MRAS: variants seen among roughly 807,000 people sequenced by gnomAD.
MRAS encodes muscle RAS oncogene homolog, also known as ras-related protein M-Ras.
A neutral mutation model predicts 20.9 loss-of-function variants in MRAS; 4 were observed. That is an observed-to-expected ratio of 0.19 (90% CI 0.09 to 0.44). The LOEUF (loss-of-function observed/expected upper bound fraction) is 0.44, where lower values mean the gene tolerates loss of function less well. Among genes scored for constraint, MRAS ranks in the 20% least tolerant of loss-of-function variants. The pLI is 0.99. For missense variants in MRAS, 154 were observed against 277.5 expected, an observed-to-expected ratio of 0.56 and a Z score of 3.16; for synonymous variants, 98 against 102.9, an observed-to-expected ratio of 0.95 and a Z score of 0.29.
chr3:138,351,848 G>C (rs1425792536), intron 1 of MRAS, among the ~76,000 whole-genome samples: 2 of 152,194 alleles, frequency 1.3e-5, no homozygotes, highest in African/African-American at 4.8e-5. Context: ...GAGAAGCCCA[G>C]GGAACGTTGA....
At chr3:138,386,198 A>G (rs2055009622) in intron 2 of MRAS, among the ~76,000 whole-genome samples, 2 of 151,916 alleles carry the variant, frequency 1.3e-5, no homozygotes, top group East Asian at 1.9e-4. Flanking sequence ...ATCACTGCCA[A>G]CTCATTCCTG....
chr3:138,387,480 A>G (rs2055041532), intron 2 of MRAS, among the ~76,000 whole-genome samples: 1 of 152,198 alleles, frequency 6.6e-6, no homozygotes, highest in Admixed American at 6.5e-5. Context: ...TCAGACGGGC[A>G]TGGGTTCAAA....
intron 2 of MRAS, among the ~76,000 whole-genome samples, chr3:138,380,701 G>A (rs1334074882): frequency 6.6e-6 from 1 of 152,066 alleles, no homozygotes; most frequent in East Asian, 1.9e-4. Flanking sequence ...TTATGTGGCT[G>A]GCTTATTTTA....
intron 2 of MRAS, among the ~76,000 whole-genome samples, chr3:138,390,739 A>G (rs890047088): frequency 6.6e-6 from 1 of 152,158 alleles, no homozygotes; most frequent in Non-Finnish European, 1.5e-5. Context: ...GCTCAGCCAC[A>G]CACCCCTCCT....
At chr3:138,365,833 C>T (rs974438989) in intron 1 of MRAS, among the ~76,000 whole-genome samples, 4 of 152,138 alleles carry the variant, frequency 2.6e-5, no homozygotes, top group East Asian at 1.9e-4. Flanking sequence ...TGTTGTCTGC[C>T]GTGGCTCTGG....
At chr3:138,370,181 T>C (rs2054645813) in intron 1 of MRAS, among the ~76,000 whole-genome samples, 1 of 152,004 alleles carries the variant, frequency 6.6e-6, no homozygotes, top group Non-Finnish European at 1.5e-5. Context: ...TAGCCAGGCA[T>C]GGTGGTGGGC....
intron 1 of MRAS, among the ~76,000 whole-genome samples, chr3:138,363,832 C>T (rs1045036429): frequency 4.2e-4 from 52 of 123,900 alleles, no homozygotes; most frequent in Admixed American, 1.3e-3. Context: ...CCCCCCCCCC[C>T]CCAAACCACA....
chr3:138,358,133 G>A (rs4678411), intron 1 of MRAS, among the ~76,000 whole-genome samples: 89,254 of 151,872 alleles, frequency 0.59, 27,354 homozygotes, highest in East Asian at 0.73. Context: ...TCAGGAGTTC[G>A]AGACCAGCCT....
chr3:138,402,096 C>A, intron 5 of MRAS, 74 bp from the exon 6 acceptor site: 1 of 1,412,616 alleles, frequency 7.1e-7, no homozygotes, highest in African/African-American at 1.4e-5. Flanking sequence ...AGATCTGGGG[C>A]TAGGGAGGAG....
At chr3:138,355,743 C>T (rs370947572) in intron 1 of MRAS, among the ~76,000 whole-genome samples, 113 of 152,266 alleles carry the variant, frequency 7.4e-4, no homozygotes, top group African/African-American at 2.6e-3. Context: ...CCAACCTGGC[C>T]AACATGGTGA....
chr3:138,387,127 T>C (rs2055032952), intron 2 of MRAS, among the ~76,000 whole-genome samples: 1 of 151,968 alleles, frequency 6.6e-6, no homozygotes, highest in Admixed American at 6.6e-5. Context: ...AGAGGTCAGG[T>C]GGGTGGTGGT....
intron 1 of MRAS, among the ~76,000 whole-genome samples, chr3:138,351,006 C>T (rs1278148440): frequency 6.6e-6 from 1 of 151,228 alleles, no homozygotes; most frequent in Non-Finnish European, 1.5e-5. Context: ...GGTTCCTAAG[C>T]TCTAGTGATC....
intron 1 of MRAS, among the ~76,000 whole-genome samples, chr3:138,363,126 T>C (rs2054485463): frequency 6.6e-6 from 1 of 151,798 alleles, no homozygotes; most frequent in Admixed American, 6.6e-5. Flanking sequence ...AACCTCCGCC[T>C]CCCCAGTTCA....
chr3:138,371,250 C>T (rs1290176633), intron 1 of MRAS, among the ~76,000 whole-genome samples: 1 of 152,206 alleles, frequency 6.6e-6, no homozygotes, highest in Non-Finnish European at 1.5e-5. Flanking sequence ...CAACATCAGG[C>T]TTCAGTAACT....
At chr3:138,377,867 G>C (rs1342421349) in intron 2 of MRAS, among the ~76,000 whole-genome samples, 2 of 152,276 alleles carry the variant, frequency 1.3e-5, no homozygotes, top group Non-Finnish European at 2.9e-5. Flanking sequence ...GAAGGCCCGT[G>C]CTAAGCACAT....
rs763866309 is a variant in MRAS, at chr3:138,402,643, A to T, written c.*374A>T. On this transcript the variant is annotated 3_prime_UTR_variant, in exon 6 of 6. Coordinates refer to ENST00000423968, the MANE Select transcript of MRAS (RefSeq NM_001085049.3). ...ATACAAAGTACAAAACAAGCCATGA[A>T]CAAGCTTCTTTCCCTTACCCCCCAT... 4 of 185,490 alleles carry T rather than the reference A, an allele frequency of 2.2e-5. No individual in the cohort carries two copies. Among genetic ancestry groups the T allele is most frequent in the Non-Finnish European group, 3.3e-5 (3 of 89,890 alleles). 11.5% of individuals were successfully genotyped at this position (185,490 alleles called of 1,614,324 possible). A position where few individuals can be genotyped will look rare whatever the true frequency, so the allele number is the denominator to read the frequency against.
intron 1 of MRAS, among the ~76,000 whole-genome samples, chr3:138,363,341 A>G: frequency 6.6e-6 from 1 of 152,088 alleles, no homozygotes; most frequent in Non-Finnish European, 1.5e-5. Flanking sequence ...GATTACAGGC[A>G]TGAGCCACCA....
intron 2 of MRAS, among the ~76,000 whole-genome samples, chr3:138,393,468 T>C (rs929551974): frequency 6.6e-6 from 1 of 152,192 alleles, no homozygotes; most frequent in Admixed American, 6.5e-5. Flanking sequence ...GTAAGAATTC[T>C]TCCAGAAAGC....
At chr3:138,363,505 C>T (rs1395764013) in intron 1 of MRAS, among the ~76,000 whole-genome samples, 1 of 152,134 alleles carries the variant, frequency 6.6e-6, no homozygotes, top group Non-Finnish European at 1.5e-5. Flanking sequence ...CCCAGTGTAC[C>T]ATAATCCTCT....
Sources: gnomAD v4.1 joint callset for allele counts (sites outside exome capture counted in the v4.1 genomes callset) on GRCh38, gnomAD v4.1.1 for gene constraint, MANE v1.5 for transcripts, NCBI Gene and HGNC (gene_info 2026-07-23, HGNC 2026-07-21) for gene names.